CNTN5: variants seen among roughly 807,000 people sequenced by gnomAD.
CNTN5 encodes the protein contactin 5.
In CNTN5, 77 loss-of-function variants were observed where a neutral mutation model predicts 129.1. That is an observed-to-expected ratio of 0.60 (90% CI 0.50 to 0.72). The LOEUF is 0.72. CNTN5 is among the 30% of genes least tolerant of loss of function. The pLI, the probability that CNTN5 is intolerant of heterozygous loss-of-function variation, is 0.00. For synonymous variants in CNTN5, 509 were observed against 465.6 expected (o/e 1.09, Z -1.20); for missense variants, 1,478 against 1,328.8 (o/e 1.11, Z -1.75).
At chr11:100,001,752 A>G (rs1217031100) in intron 8 of CNTN5, among the ~76,000 whole-genome samples, 1 of 152,222 alleles carries the variant, frequency 6.6e-6, no homozygotes, top group Admixed American at 6.5e-5. Flanking sequence ...GTTTTTTTAG[A>G]ACAATTAGTA....
chr11:99,278,584 C>T (rs1863554566), intron 1 of CNTN5, among the ~76,000 whole-genome samples: 1 of 151,484 alleles, frequency 6.6e-6, no homozygotes, highest in South Asian at 2.1e-4. Context: ...ATATTGAATG[C>T]CTGATCTTTC....
At chr11:100,163,606 AAATC>A (rs1210969626) in intron 13 of CNTN5, among the ~76,000 whole-genome samples, 2 of 151,676 alleles carry the variant, frequency 1.3e-5, no homozygotes, top group African/African-American at 2.4e-5. Flanking sequence ...AGAGGTCCTG[AAATC>A]AATCAATCAG....
At chr11:99,392,184 G>C (rs1206308430) in intron 2 of CNTN5, among the ~76,000 whole-genome samples, 1 of 150,760 alleles carries the variant, frequency 6.6e-6, no homozygotes, top group Non-Finnish European at 1.5e-5. Flanking sequence ...TAGATCCCAT[G>C]GCAGTATTTG....
intron 17 of CNTN5, among the ~76,000 whole-genome samples, chr11:100,259,392 C>G (rs1184832264): frequency 6.6e-6 from 1 of 152,070 alleles, no homozygotes; most frequent in Non-Finnish European, 1.5e-5. Flanking sequence ...AGGAACAAGA[C>G]AGAGAATTAA....
intron 6 of CNTN5, among the ~76,000 whole-genome samples, chr11:99,860,209 G>A (rs957411685): frequency 6.6e-6 from 1 of 151,872 alleles, no homozygotes; most frequent in African/African-American, 2.4e-5. Flanking sequence ...CTGAATATTA[G>A]GCCTTTGTCT....
intron 21 of CNTN5, among the ~76,000 whole-genome samples, chr11:100,327,671 C>T (rs1373775016): frequency 6.6e-6 from 1 of 152,124 alleles, no homozygotes; most frequent in Non-Finnish European, 1.5e-5. Context: ...TTTTGACTCA[C>T]CATTGATTCT....
In CNTN5 at chr11:99,456,337, A is replaced by C. The variant is rs1393420597; in HGVS notation, c.-70-99808A>C. On this transcript the variant is annotated intron_variant, in intron 2 of 24. Transcript: ENST00000524871. ...CTTTAGGTGGTTCACCCTGACAAAA[A>C]TTGAGGAAAAATATATATTGCTAAT... is the stretch of plus-strand genomic sequence containing the variant. Among the ~76,000 whole-genome samples, 5 of 152,286 alleles carry C rather than the reference A, an allele frequency of 3.3e-5. No individual in the cohort carries two copies. In the East Asian group the frequency reaches 9.6e-4, roughly 29 times the overall value.
intron 1 of CNTN5, among the ~76,000 whole-genome samples, chr11:99,218,032 A>G (rs529125350): frequency 6.6e-6 from 1 of 152,216 alleles, no homozygotes; most frequent in East Asian, 1.9e-4. Flanking sequence ...AAAAGATTAC[A>G]TTTATTTTCT....
chr11:99,315,330 C>G (rs186595606), intron 1 of CNTN5, among the ~76,000 whole-genome samples: 1 of 149,406 alleles, frequency 6.7e-6, no homozygotes, highest in African/African-American at 2.4e-5. Context: ...CCTAAGTGTG[C>G]CACTGTAGGC....
chr11:99,258,220 G>A (rs369770465), intron 1 of CNTN5, among the ~76,000 whole-genome samples: 2 of 151,810 alleles, frequency 1.3e-5, no homozygotes, highest in Admixed American at 6.6e-5. Context: ...CATATCACGG[G>A]GGTTTGTTGT....
intron 2 of CNTN5, among the ~76,000 whole-genome samples, chr11:99,331,403 G>T (rs1865993726): frequency 1.3e-5 from 2 of 151,918 alleles, no homozygotes; most frequent in East Asian, 1.9e-4. Context: ...GACTTAAAAG[G>T]CAGAACTTTA....
chr11:100,274,507 A>G (rs778902352), intron 18 of CNTN5, among the ~76,000 whole-genome samples: 3 of 152,214 alleles, frequency 2.0e-5, no homozygotes, highest in South Asian at 2.1e-4. Flanking sequence ...ATCTATAAGG[A>G]ACTTAAACAA....
In CNTN5 at chr11:99,476,835, T is replaced by C. The variant is rs150003569; in HGVS notation, c.-70-79310T>C. On this transcript the variant is annotated intron_variant, in intron 2 of 24. Coordinates refer to ENST00000524871, the MANE Select transcript of CNTN5 (RefSeq NM_014361.4). ...ACTGATCCTTTCAAAGGGTTGTAGA[T>C]ATCCTCAACCAACAAGTGAATGGCT... Among the ~76,000 whole-genome samples the C allele has an allele frequency of 9.8e-3, 1,491 of 152,246 alleles. 24 individuals are homozygous for C. The highest frequency in any genetic ancestry group is 0.033 in the African/African-American group (1,392 of 41,556).
intron 3 of CNTN5, among the ~76,000 whole-genome samples, chr11:99,699,549 A>C (rs1341964485): frequency 6.6e-6 from 1 of 151,464 alleles, no homozygotes; most frequent in Non-Finnish European, 1.5e-5. Context: ...CTGATTTTTT[A>C]TCTATAAAAC....
At chr11:99,118,101 C>T (rs1052681178) in intron 1 of CNTN5, among the ~76,000 whole-genome samples, 3 of 151,908 alleles carry the variant, frequency 2.0e-5, no homozygotes, top group Non-Finnish European at 2.9e-5. Context: ...TTAGTATATA[C>T]ATAGGAATGG....
intron 1 of CNTN5, among the ~76,000 whole-genome samples, chr11:99,140,165 T>G (rs148160014): frequency 2.8e-4 from 42 of 152,312 alleles, no homozygotes; most frequent in African/African-American, 8.4e-4. Context: ...AACTTAGAAC[T>G]GCACAAGTTC....
Position 100,358,770 on chromosome 11 carries a change from A to G in CNTN5, c.*2550A>G, listed in dbSNP as rs186331546. 7 of 152,052 alleles carry G rather than the reference A, an allele frequency of 4.6e-5. No individual in the cohort carries two copies. The highest frequency in any genetic ancestry group is 1.7e-4 in the African/African-American group (7 of 41,544). 9.4% of individuals were successfully genotyped at this position (152,052 alleles called of 1,614,324 possible). Reference sequence around the variant, plus strand: ...TAAATATATTGTGTACGATCTGTATATATACTATATATAAGGCATATACCG... The same window carrying G: ...TAAATATATTGTGTACGATCTGTATGTATACTATATATAAGGCATATACCG... On this transcript the variant is annotated 3_prime_UTR_variant, in exon 25 of 25. Transcript: ENST00000524871.
intron 1 of CNTN5, among the ~76,000 whole-genome samples, chr11:99,281,056 T>C (rs1003393527): frequency 6.6e-6 from 1 of 151,656 alleles, no homozygotes; most frequent in Non-Finnish European, 1.5e-5. Flanking sequence ...AGGATTACAA[T>C]TACTAAACCT....
At chr11:99,377,039 G>A (rs994529211) in intron 2 of CNTN5, among the ~76,000 whole-genome samples, 2 of 152,116 alleles carry the variant, frequency 1.3e-5, no homozygotes, top group Non-Finnish European at 2.9e-5. Flanking sequence ...ATAAGGAAGG[G>A]CTTAAGAAAG....
Sources: gnomAD v4.1 joint callset for allele counts (sites outside exome capture counted in the v4.1 genomes callset) on GRCh38, gnomAD v4.1.1 for gene constraint, MANE v1.5 for transcripts, NCBI Gene and HGNC (gene_info 2026-07-23, HGNC 2026-07-21) for gene names.